Variants in MED17 observed in about 807,000 individuals in gnomAD.
The protein encoded by MED17 is mediator complex subunit 17, also known as mediator of RNA polymerase II transcription subunit 17.
A neutral mutation model predicts 80.8 loss-of-function variants in MED17; 49 were observed. The ratio of observed to expected loss-of-function variants is 0.61; its 90% CI spans 0.48 to 0.77. The LOEUF (loss-of-function observed/expected upper bound fraction) is 0.77. Ranked by LOEUF, MED17 falls within the 30% of genes least tolerant of loss-of-function variation. The pLI, the probability that MED17 is intolerant of heterozygous loss-of-function variation, is 0.00. For missense variants in MED17, 718 were observed against 787.0 expected, an observed-to-expected ratio of 0.91 and a Z score of 1.05; for synonymous variants, 281 against 280.4, an observed-to-expected ratio of 1.00 and a Z score of -0.02.
rs1187025753 is a variant in MED17, at chr11:93,801,986, A to G, written c.1466+14A>G. ...ACAAATATGCAAGTAAGTGGCCAAA[A>G]TAAAAGTTTTGTATTTAATATGTTA... On this transcript the variant is annotated intron_variant, in intron 9 of 11. Transcript: ENST00000251871. 1 of 1,608,294 alleles carries G rather than the reference A, an allele frequency of 6.2e-7. No homozygotes were observed. Among genetic ancestry groups the G allele is most frequent in the Non-Finnish European group, 8.5e-7 (1 of 1,176,964 alleles).
chr11:93,792,049 G>T (rs1943842309), intron 3 of MED17, among the ~76,000 whole-genome samples: 2 of 148,212 alleles, frequency 1.3e-5, no homozygotes, highest in South Asian at 4.4e-4. Context: ...AGGTAATAAT[G>T]GCAATGTTTT....
In MED17 at chr11:93,784,631, C is replaced by A; in HGVS notation, c.118C>A (p.Leu40Met). The change falls in exon 1 of 12, where the codon CTG becomes ATG. Residue 40 changes from leucine to methionine, a missense_variant. Coordinates refer to ENST00000251871, the MANE Select transcript of MED17 (RefSeq NM_004268.5). ...YLPPLSMSQN[L>M]ARLAQRIDFS... is the part of the protein sequence containing the mutation. ...GCCCCCGCTGTCCATGTCGCAGAAT[C>A]TGGCGCGTCTGGCCCAGCGGATAGA... 6.3e-7 allele frequency: 1 copy of A among 1,582,824 alleles called. No individual in the cohort carries two copies.
At chr11:93,804,292 C>G (rs1944001999) in intron 9 of MED17, among the ~76,000 whole-genome samples, 1 of 151,976 alleles carries the variant, frequency 6.6e-6, no homozygotes, top group Non-Finnish European at 1.5e-5. Flanking sequence ...CCACTGGCAG[C>G]TGATTAGATG....
At chr11:93,788,194 A>G (rs774155332) in intron 2 of MED17, 27 bp downstream of exon 2, 1 of 1,587,010 alleles carries the variant, frequency 6.3e-7, no homozygotes, top group Non-Finnish European at 8.6e-7. Context: ...ATTGAATAAT[A>G]AAATTTTATT....
Position 93,784,559 on chromosome 11 carries a change from G to A in MED17, c.46G>A (p.Glu16Lys). ...GCGGATCAGCATCGAATCGGCCTGC[G>A]AGAAGCAGGTCCATGAGGTGGGCCT... is the stretch of plus-strand genomic sequence containing the variant. ...AVRISIESAC[E>K]KQVHEVGLDG... Residue 16 changes from glutamate to lysine, a missense_variant, in exon 1 of 12, where the codon GAG becomes AAG. By Grantham distance (56) the Glu-to-Lys change is moderately conservative. Coordinates refer to ENST00000251871, the MANE Select transcript of MED17 (RefSeq NM_004268.5). 2.5e-6 allele frequency: 4 copies of A among 1,612,642 alleles called. No homozygotes were observed. Among genetic ancestry groups the A allele is most frequent in the Non-Finnish European group, 3.4e-6 (4 of 1,179,840 alleles).
chr11:93,809,331 G>A, intron 10 of MED17: 2 of 326,960 alleles, frequency 6.1e-6, no homozygotes, highest in South Asian at 5.2e-5. Context: ...CAAAGCCAGA[G>A]GATGTAAGAA....
intron 2 of MED17, 82 bp downstream of exon 2, chr11:93,788,249 A>G (rs1943790269): frequency 8.2e-7 from 1 of 1,221,062 alleles, no homozygotes; most frequent in Non-Finnish European, 1.2e-6. Flanking sequence ...CTGTTGTTCC[A>G]TTTTCCTTTC....
At position 93,796,657 on chromosome 11, in the gene MED17, G is replaced by A. The variant is rs1034176004; in HGVS notation, c.1143+117G>A. The A allele has an allele frequency of 5.1e-6, 6 of 1,187,390 alleles. No individual in the cohort carries two copies. In the African/African-American group the frequency reaches 9.0e-5, roughly 18 times the overall value. The allele number at this position is 1,187,390 out of a possible 1,614,324, so 73.6% of individuals were successfully genotyped here. On this transcript the variant is annotated intron_variant, in intron 7 of 11. Coordinates refer to ENST00000251871, the MANE Select transcript of MED17 (RefSeq NM_004268.5). ...TATTCACATAGCAACAACATTCACT[G>A]TCTGATGTGAAAGATCCTTGCTGTG... is the stretch of plus-strand genomic sequence containing the variant.
Position 93,811,875 on chromosome 11 carries a change from CA to C in MED17, c.1768del (p.Ser590AlafsTer117). On this transcript the variant is annotated frameshift_variant, in exon 12 of 12. Coordinates refer to ENST00000251871, the MANE Select transcript of MED17 (RefSeq NM_004268.5). LOFTEE classifies it high-confidence loss of function. The part of the protein sequence containing the change: ...ISVRNGPESG[S>X]KIMVQFPRNQ... ...CAGTTCGTAATGGACCTGAAAGTGGCAGCAAGATTATGGTTCAGTTTCCTCG... is the reference window on the plus strand; with the variant it reads ...CAGTTCGTAATGGACCTGAAAGTGGCGCAAGATTATGGTTCAGTTTCCTCG... 1.2e-6 allele frequency: 2 copies of C among 1,614,048 alleles called. No individual in the cohort carries two copies.
rs772394621 is a variant in MED17 at position 93,784,304 on chromosome 11, C to A, written c.-210C>A. The A allele has an allele frequency of 1.1e-5, 7 of 651,806 alleles. No individual in the cohort carries two copies. The highest frequency in any genetic ancestry group is 2.2e-5 in the South Asian group (1 of 45,966). The allele number at this position is 651,806 out of a possible 1,614,324, so 40.4% of individuals were successfully genotyped here. ...CCCAGTTTTGCTCCGAAAGACTTAC[C>A]GAGGAGGGAGCTTGCGGTGCGTTCT... On this transcript the variant is annotated 5_prime_UTR_variant, in exon 1 of 12. Coordinates refer to ENST00000251871, the MANE Select transcript of MED17 (RefSeq NM_004268.5).
Position 93,793,788 on chromosome 11 carries a change from A to G in MED17, c.698A>G (p.Asp233Gly), listed in dbSNP as rs1250234052. 6.2e-7 allele frequency: 1 copy of G among 1,601,016 alleles called. No individual in the cohort carries two copies. The highest frequency in any genetic ancestry group is 1.8e-4 in the Middle Eastern group (1 of 5,644). The change falls in exon 4 of 12, where the codon GAT becomes GGT. Residue 233 changes from aspartate to glycine, a missense_variant. Asp to Gly is a moderately conservative substitution (Grantham distance 94). Coordinates refer to ENST00000251871, the MANE Select transcript of MED17 (RefSeq NM_004268.5). Reference protein sequence around the residue: ...EVIKNTDLDLDKKIPEDYCPL... With the variant: ...EVIKNTDLDLGKKIPEDYCPL... ...ATAAAGAATACAGATCTCGATCTGGATAAAAAGATACCTGAAGATTACTGT... is the reference window on the plus strand; with the variant it reads ...ATAAAGAATACAGATCTCGATCTGGGTAAAAAGATACCTGAAGATTACTGT...
At chr11:93,802,681 C>T (rs1943975239) in intron 9 of MED17, among the ~76,000 whole-genome samples, 1 of 152,156 alleles carries the variant, frequency 6.6e-6, no homozygotes, top group African/African-American at 2.4e-5. Flanking sequence ...CTATACTCTC[C>T]ATGTTATGCC....
At position 93,809,752 on chromosome 11, in the gene MED17, C is replaced by CTATCTAA; in HGVS notation, c.1620_1621insTATCTAA (p.Ala541TyrfsTer15). On this transcript the variant is annotated frameshift_variant, in exon 11 of 12. Coordinates refer to ENST00000251871, the MANE Select transcript of MED17 (RefSeq NM_004268.5). LOFTEE classifies it high-confidence loss of function. ...ACCAGGTACATGCAGTTCAGCAACT[C>CTATCTAA]GCCAAGGTTATGGGCTGGCAAGTAC... 1.2e-6 allele frequency: 2 copies of CTATCTAA among 1,614,158 alleles called. No homozygotes were observed. Among genetic ancestry groups the CTATCTAA allele is most frequent in the South Asian group, 2.2e-5 (2 of 91,086 alleles).
chr11:93,809,643 C>T, intron 10 of MED17, 74 bp from the exon 11 acceptor site: 1 of 1,534,540 alleles, frequency 6.5e-7, no homozygotes, highest in Non-Finnish European at 9.0e-7. Flanking sequence ...CAAAAGTTTA[C>T]TTCATGGTCG....
intron 9 of MED17, among the ~76,000 whole-genome samples, chr11:93,804,036 C>T (rs144377545): frequency 0.044 from 3,804 of 87,198 alleles, 244 homozygotes; most frequent in East Asian, 0.15. Context: ...TACACACACA[C>T]ATATACACAC....
chr11:93,788,332 T>G, intron 2 of MED17, 165 bp downstream of exon 2: 1 of 604,378 alleles, frequency 1.7e-6, no homozygotes, highest in East Asian at 2.9e-5. Flanking sequence ...TGCATTTCCT[T>G]TATTTTTTTA....
chr11:93,803,138 C>A (rs994670876), intron 9 of MED17, among the ~76,000 whole-genome samples: 1 of 152,124 alleles, frequency 6.6e-6, no homozygotes, highest in Non-Finnish European at 1.5e-5. Flanking sequence ...CACTACGATA[C>A]CCTTAGTTGC....
At position 93,788,119 on chromosome 11, in the gene MED17, A is replaced by G; in HGVS notation, c.369A>G (p.Lys123=). 1 of 1,613,732 alleles carries G rather than the reference A, an allele frequency of 6.2e-7. No homozygotes were observed. The highest frequency in any genetic ancestry group is 8.5e-7 in the Non-Finnish European group (1 of 1,179,688). The part of the protein sequence containing the change: ...YDVLSIVRDK[K]FMTLDPVSQD... ...TTCTCAGTATTGTTAGGGATAAAAA[A>G]TTTATGACTCTTGATCCTGTCTCTC... is the stretch of plus-strand genomic sequence containing the variant. The change falls in exon 2 of 12, where the codon AAA becomes AAG. Residue 123 remains lysine (K), a synonymous_variant. Coordinates refer to ENST00000251871, the MANE Select transcript of MED17 (RefSeq NM_004268.5).
At chr11:93,784,890 C>G (rs1430379425) in intron 1 of MED17, 127 bp downstream of exon 1, 2 of 1,316,974 alleles carry the variant, frequency 1.5e-6, no homozygotes. Context: ...CTAGCGGAAG[C>G]GTAAGGATAC....
Sources: allele counts gnomAD v4.1 joint callset (sites outside exome capture counted in the v4.1 genomes callset), GRCh38; gene constraint gnomAD v4.1.1; transcripts MANE v1.5; gene names NCBI Gene and HGNC (gene_info 2026-07-23, HGNC 2026-07-21).